Variants in BANK1 observed in about 807,000 individuals in gnomAD.
BANK1 encodes B-cell scaffold protein with ankyrin repeats.
BANK1 carries 95 observed loss-of-function variants against 94.5 expected under a neutral mutation model. The ratio of observed to expected loss-of-function variants is 1.00; its 90% CI spans 0.85 to 1.19. The LOEUF is 1.19. BANK1 is among the 50% of genes most tolerant of loss of function. The pLI is 0.00. For missense variants in BANK1, 987 were observed against 932.2 expected, an observed-to-expected ratio of 1.06 and a Z score of -0.77; for synonymous variants, 334 against 308.4, an observed-to-expected ratio of 1.08 and a Z score of -0.87.
intron 1 of BANK1, among the ~76,000 whole-genome samples, chr4:101,798,678 C>T (rs1175478182): frequency 8.5e-5 from 13 of 152,112 alleles, no homozygotes. Context: ...TGGTATCTCA[C>T]TGTGGTTTTG....
At chr4:102,034,056 C>A (rs895557470) in intron 10 of BANK1, among the ~76,000 whole-genome samples, 24 of 151,768 alleles carry the variant, frequency 1.6e-4, no homozygotes, top group Non-Finnish European at 3.5e-4. Flanking sequence ...CTAGCTTGGG[C>A]AGATCTATTA....
Position 101,940,663 on chromosome 4 carries a change from A to C in BANK1, c.1206+22474A>C, listed in dbSNP as rs183272190. Among the ~76,000 whole-genome samples, 506 of 151,832 alleles carry C rather than the reference A, an allele frequency of 3.3e-3. 3 individuals are homozygous for C. The highest frequency in any genetic ancestry group is 0.011 in the African/African-American group (472 of 41,480). On this transcript the variant is annotated intron_variant, in intron 7 of 16. Coordinates refer to ENST00000322953, the MANE Select transcript of BANK1 (RefSeq NM_017935.5). ...TCAGATATTTTGCAGAACGTCCCCC[A>C]AGAGGGACTTGTCTAATATTTTTCT...
chr4:101,896,725 G>T (rs546893237), intron 6 of BANK1, among the ~76,000 whole-genome samples: 23 of 151,784 alleles, frequency 1.5e-4, no homozygotes, highest in Admixed American at 2.6e-4. Context: ...TTTATAGAAA[G>T]AATCAATGAG....
chr4:101,944,782 C>T (rs1458294551), intron 7 of BANK1, among the ~76,000 whole-genome samples: 1 of 151,886 alleles, frequency 6.6e-6, no homozygotes, highest in Non-Finnish European at 1.5e-5. Context: ...GGACAATGTG[C>T]TGAAGAGCTG....
intron 13 of BANK1, among the ~76,000 whole-genome samples, chr4:102,065,448 C>T (rs141831755): frequency 2.6e-5 from 4 of 152,030 alleles, no homozygotes; most frequent in South Asian, 2.1e-4. Context: ...CCTACTAAAA[C>T]GAGAACTACC....
intron 5 of BANK1, among the ~76,000 whole-genome samples, chr4:101,883,656 T>A (rs1381907736): frequency 1.3e-5 from 2 of 152,202 alleles, no homozygotes; most frequent in African/African-American, 4.8e-5. Context: ...CTGATGTGAG[T>A]GCTGCCTGTA....
chr4:101,856,739 AATCATGG>A (rs1264813976), intron 3 of BANK1, among the ~76,000 whole-genome samples: 2 of 152,120 alleles, frequency 1.3e-5, no homozygotes, highest in Non-Finnish European at 2.9e-5. Context: ...TCAATAGGAG[AATCATGG>A]ACTGTTTTTT....
intron 11 of BANK1, among the ~76,000 whole-genome samples, chr4:102,057,663 C>A (rs1188007020): frequency 1.3e-5 from 2 of 152,092 alleles, no homozygotes; most frequent in Non-Finnish European, 2.9e-5. Context: ...CTGAAAAGTT[C>A]TTTCCAAGTG....
In BANK1 at chr4:101,866,719, TG is replaced by T. The variant is rs1728084430; in HGVS notation, c.764-3785del. ...TGCTATAAAGACACATGCACACGTA[TG>T]TTTATTGCAGCACTATTCACAATAG... is the stretch of plus-strand genomic sequence containing the variant. On this transcript the variant is annotated intron_variant, in intron 4 of 16. Coordinates refer to ENST00000322953, the MANE Select transcript of BANK1 (RefSeq NM_017935.5). Among the ~76,000 whole-genome samples the T allele has an allele frequency of 7.6e-5, 4 of 52,484 alleles. 2 individuals are homozygous for T. The highest frequency in any genetic ancestry group is 1.5e-4 in the Non-Finnish European group (4 of 26,768). The allele number at this position is 52,484 out of a possible 152,430, so 34.4% of individuals were successfully genotyped here.
At chr4:101,873,805 T>C (rs1728390025) in intron 5 of BANK1, among the ~76,000 whole-genome samples, 1 of 152,168 alleles carries the variant, frequency 6.6e-6, no homozygotes, top group Non-Finnish European at 1.5e-5. Context: ...GGGATGATAA[T>C]TAGAATTGAA....
chr4:101,886,761 TGGG>T (rs11452529), intron 5 of BANK1, among the ~76,000 whole-genome samples: 22 of 135,036 alleles, frequency 1.6e-4, no homozygotes, highest in African/African-American at 5.7e-4. Flanking sequence ...AACAATATAT[TGGG>T]GGGGGGGGCA....
In BANK1 at chr4:101,981,213, A is replaced by G. The variant is rs560559257; in HGVS notation, c.1207-40301A>G. Among the ~76,000 whole-genome samples the G allele has an allele frequency of 1.4e-4, 22 of 152,204 alleles. No homozygotes were observed. In the South Asian group the frequency reaches 4.6e-3, roughly 32 times the overall value. On this transcript the variant is annotated intron_variant, in intron 7 of 16. Transcript: ENST00000322953. ...GATACTCTCTCTGTGACTGAAATAG[A>G]TGTGTTTATCAGGTTATATAACTTT...
chr4:101,887,829 A>T (rs1560617517), intron 5 of BANK1, among the ~76,000 whole-genome samples: 1 of 152,222 alleles, frequency 6.6e-6, no homozygotes, highest in Non-Finnish European at 1.5e-5. Flanking sequence ...CAGAAAATTA[A>T]GTTGATAAAA....
intron 3 of BANK1, among the ~76,000 whole-genome samples, chr4:101,860,749 G>T (rs114654959): frequency 6.9e-4 from 105 of 152,290 alleles, no homozygotes; most frequent in Non-Finnish European, 1.2e-3. Flanking sequence ...GGAATCTCCT[G>T]TGTCAGAAGC....
At chr4:101,881,970 C>CA (rs1047955535) in intron 5 of BANK1, among the ~76,000 whole-genome samples, 5 of 147,786 alleles carry the variant, frequency 3.4e-5, no homozygotes, top group Admixed American at 1.3e-4. Context: ...TTAATGGGTC[C>CA]AAAAAAAAAG....
intron 1 of BANK1, among the ~76,000 whole-genome samples, chr4:101,825,198 G>A (rs1350005024): frequency 6.6e-6 from 1 of 152,024 alleles, no homozygotes; most frequent in East Asian, 1.9e-4. Flanking sequence ...TTCCAGGAAT[G>A]GAAATTTTAT....
intron 13 of BANK1, among the ~76,000 whole-genome samples, chr4:102,067,157 T>A (rs561158373): frequency 3.7e-4 from 57 of 152,070 alleles, no homozygotes; most frequent in South Asian, 8.3e-4. Context: ...AAAAGAACTA[T>A]ATTTAGGAAA....
At chr4:101,910,905 A>T (rs74468863) in intron 6 of BANK1, among the ~76,000 whole-genome samples, 1,735 of 152,280 alleles carry the variant, frequency 0.011, 39 homozygotes, top group African/African-American at 0.04. Context: ...CCACACTCTC[A>T]GAGGGCACAG....
intron 7 of BANK1, among the ~76,000 whole-genome samples, chr4:101,918,675 C>A (rs1213401412): frequency 6.6e-6 from 1 of 151,942 alleles, no homozygotes. Flanking sequence ...GAATTATACT[C>A]TGATGGCTCT....
Sources: allele counts gnomAD v4.1 joint callset (sites outside exome capture counted in the v4.1 genomes callset), GRCh38; gene constraint gnomAD v4.1.1; transcripts MANE v1.5; gene names NCBI Gene and HGNC (gene_info 2026-07-23, HGNC 2026-07-21).